Variants in MBNL1 observed in about 807,000 individuals in gnomAD.
MBNL1 encodes the protein muscleblind like splicing regulator 1, also known as muscleblind-like protein 1.
Under a neutral mutation model 42.2 loss-of-function variants are expected in MBNL1, and 8 were observed. The observed-to-expected ratio is 0.19, with a 90% CI of 0.11 to 0.34. MBNL1 has a LOEUF of 0.34. Ranked by LOEUF, MBNL1 falls within the 10% of genes least tolerant of loss-of-function variation. The pLI, the probability that MBNL1 is intolerant of heterozygous loss-of-function variation, is 1.00. For synonymous variants in MBNL1, 169 were observed against 173.9 expected (o/e 0.97, Z 0.22); for missense variants, 309 against 495.3 (o/e 0.62, Z 3.57).
rs146028155 is a variant in MBNL1, at chr3:152,397,746, T to G, written c.175-17195T>G. Among the ~76,000 whole-genome samples the G allele has an allele frequency of 4.3e-3, 662 of 152,308 alleles. 4 individuals carry two copies. The highest frequency in any genetic ancestry group is 0.014 in the African/African-American group (595 of 41,564). ...TAACATATTATAAATATTTTCCTAC[T>G]GTGTGTCATGTGAGCTCCAGTGTTT... On this transcript the variant is annotated intron_variant, in intron 2 of 9. Transcript: ENST00000324210.
At chr3:152,251,164 A>G (rs1056424301) in intron 2 of MBNL1, among the ~76,000 whole-genome samples, 1 of 152,086 alleles carries the variant, frequency 6.6e-6, no homozygotes, top group African/African-American at 2.4e-5. Context: ...TCCATGTTCC[A>G]ATTTTGCTGT....
Position 152,408,709 on chromosome 3 carries a change from T to C in MBNL1, c.175-6232T>C, listed in dbSNP as rs184390162. Among the ~76,000 whole-genome samples the C allele has an allele frequency of 8.0e-3, 1,210 of 151,716 alleles. 8 individuals carry two copies. The highest frequency in any genetic ancestry group is 0.014 in the Admixed American group (210 of 15,146). Reference sequence around the variant, plus strand: ...AGATGAATACAGCCCCCCACTAAATTCCATGAGGTGTAAAGTGGCGGTTGG... The same window carrying C: ...AGATGAATACAGCCCCCCACTAAATCCCATGAGGTGTAAAGTGGCGGTTGG... On this transcript the variant is annotated intron_variant, in intron 2 of 9. Coordinates refer to ENST00000324210, the MANE Select transcript of MBNL1 (RefSeq NM_021038.5).
At chr3:152,435,871 A>G (rs1338665338) in intron 4 of MBNL1, among the ~76,000 whole-genome samples, 4 of 152,112 alleles carry the variant, frequency 2.6e-5, no homozygotes, top group African/African-American at 7.2e-5. Context: ...TAGGAATGCT[A>G]CTGATTTTTA....
intron 3 of MBNL1, among the ~76,000 whole-genome samples, chr3:152,417,642 T>G (rs1013807708): frequency 1.3e-5 from 2 of 152,018 alleles, no homozygotes; most frequent in Non-Finnish European, 2.9e-5. Flanking sequence ...GCCTGGCATA[T>G]AGCAGAGATC....
At chr3:152,458,198 G>A in intron 8 of MBNL1, 1 of 1,613,548 alleles carries the variant, frequency 6.2e-7, no homozygotes, top group Non-Finnish European at 8.5e-7. Context: ...AAAATGGTAT[G>A]AGAAGCTTCA....
intron 2 of MBNL1, among the ~76,000 whole-genome samples, chr3:152,303,484 C>T (rs1020954961): frequency 6.6e-6 from 1 of 152,026 alleles, no homozygotes; most frequent in Admixed American, 6.6e-5. Context: ...AGAACATTTG[C>T]AAAGGTGCAT....
At chr3:152,340,564 A>T in intron 2 of MBNL1, 1 of 1,613,410 alleles carries the variant, frequency 6.2e-7, no homozygotes, top group Non-Finnish European at 8.5e-7. Context: ...CATAGCTACA[A>T]CTGACAGGAT....
intron 2 of MBNL1, among the ~76,000 whole-genome samples, chr3:152,411,713 C>A (rs1187529517): frequency 6.6e-6 from 1 of 152,162 alleles, no homozygotes; most frequent in Non-Finnish European, 1.5e-5. Context: ...AATGTAATGT[C>A]ATTGTATAGA....
chr3:152,457,652 A>G (rs1736419440), intron 8 of MBNL1: 1 of 153,150 alleles, frequency 6.5e-6, no homozygotes, highest in African/African-American at 2.4e-5. Context: ...CTCATTTACA[A>G]GAATGCTAGA....
intron 2 of MBNL1, among the ~76,000 whole-genome samples, chr3:152,330,233 C>G (rs556121252): frequency 1.3e-5 from 2 of 152,256 alleles, no homozygotes; most frequent in African/African-American, 4.8e-5. Context: ...TTCTGCCTTA[C>G]TTTCCCAAGT....
At chr3:152,400,230 TAAAC>T (rs1228944967) in intron 2 of MBNL1, among the ~76,000 whole-genome samples, 3 of 152,216 alleles carry the variant, frequency 2.0e-5, no homozygotes, top group Non-Finnish European at 4.4e-5. Context: ...ATTGTCTTCC[TAAAC>T]AAACAGCAGC....
At chr3:152,443,383 T>C (rs1054845408) in intron 4 of MBNL1, among the ~76,000 whole-genome samples, 7 of 151,998 alleles carry the variant, frequency 4.6e-5, no homozygotes, top group African/African-American at 1.2e-4. Context: ...AGATCACTTA[T>C]AGACCTTCTG....
chr3:152,401,007 C>A (rs748830306), intron 2 of MBNL1, among the ~76,000 whole-genome samples: 10 of 152,032 alleles, frequency 6.6e-5, no homozygotes, highest in Non-Finnish European at 8.8e-5. Flanking sequence ...ATGCCTGGGA[C>A]CCAGCCAAAA....
At chr3:152,250,950 C>G (rs553314187) in intron 2 of MBNL1, among the ~76,000 whole-genome samples, 1 of 151,984 alleles carries the variant, frequency 6.6e-6, no homozygotes, top group East Asian at 1.9e-4. Context: ...ATAAAATACT[C>G]GCAAACTGAA....
intron 2 of MBNL1, among the ~76,000 whole-genome samples, chr3:152,252,010 T>C (rs1049474163): frequency 3.3e-5 from 5 of 152,082 alleles, no homozygotes; most frequent in Non-Finnish European, 5.9e-5. Context: ...AATTATTAAT[T>C]TATGTATCTG....
At chr3:152,297,059 A>C (rs944731623) in intron 1 of MBNL1, among the ~76,000 whole-genome samples, 1 of 152,152 alleles carries the variant, frequency 6.6e-6, no homozygotes, top group African/African-American at 2.4e-5. Context: ...TTTTGGAGGA[A>C]GTAACATCTT....
At chr3:152,369,979 T>C (rs570469635) in intron 2 of MBNL1, among the ~76,000 whole-genome samples, 1 of 152,326 alleles carries the variant, frequency 6.6e-6, no homozygotes, top group Admixed American at 6.5e-5. Flanking sequence ...ATTCGTTGAT[T>C]GTTTTTGGTT....
At chr3:152,245,147 A>G (rs939120829) in intron 2 of MBNL1, among the ~76,000 whole-genome samples, 42 of 152,276 alleles carry the variant, frequency 2.8e-4, no homozygotes, top group African/African-American at 9.6e-4. Context: ...ATTGGAAATC[A>G]AACTAAACTG....
intron 2 of MBNL1, among the ~76,000 whole-genome samples, chr3:152,366,451 T>G (rs776142134): frequency 6.6e-6 from 1 of 152,162 alleles, no homozygotes; most frequent in Non-Finnish European, 1.5e-5. Context: ...CAGAGGATAA[T>G]GTGATACCCT....
Sources: allele counts gnomAD v4.1 joint callset (sites outside exome capture counted in the v4.1 genomes callset), GRCh38; gene constraint gnomAD v4.1.1; transcripts MANE v1.5; gene names NCBI Gene and HGNC (gene_info 2026-07-23, HGNC 2026-07-21).